Variants in LNX1 observed in about 807,000 individuals in gnomAD.
The protein encoded by LNX1 is E3 ubiquitin-protein ligase LNX.
In LNX1, 54 loss-of-function variants were observed where a neutral mutation model predicts 68.4. That is an observed-to-expected ratio of 0.79 (90% CI 0.63 to 0.99). The LOEUF is 0.99. LNX1 is among the 50% of genes least tolerant of loss of function. The pLI is 0.00. For missense variants in LNX1, 906 were observed against 926.4 expected, an observed-to-expected ratio of 0.98 and a Z score of 0.29; for synonymous variants, 336 against 350.0, an observed-to-expected ratio of 0.96 and a Z score of 0.45.
intron 9 of LNX1, among the ~76,000 whole-genome samples, chr4:53,464,074 A>G (rs1199674637): frequency 6.6e-6 from 1 of 152,140 alleles, no homozygotes; most frequent in Non-Finnish European, 1.5e-5. Flanking sequence ...AGAGGTTGGA[A>G]AGACGACAGT....
chr4:53,541,827 C>A (rs534897328), intron 2 of LNX1, among the ~76,000 whole-genome samples: 1 of 152,242 alleles, frequency 6.6e-6, no homozygotes, highest in Admixed American at 6.5e-5. Context: ...AATGTTTAAA[C>A]CCTGCAGTGC....
At chr4:53,646,803 A>C (rs2109892664) in intron 1 of LNX1, among the ~76,000 whole-genome samples, 1 of 152,344 alleles carries the variant, frequency 6.6e-6, no homozygotes, top group East Asian at 1.9e-4. Context: ...AATAAATGAA[A>C]ACAGACATCT....
intron 2 of LNX1, among the ~76,000 whole-genome samples, chr4:53,534,899 G>T (rs1338508644): frequency 7.9e-6 from 1 of 126,252 alleles, no homozygotes; most frequent in Non-Finnish European, 1.8e-5. Context: ...TAACAGCCTT[G>T]TTGTAAAAAT....
chr4:53,510,148 G>C (rs1199953477), intron 2 of LNX1, among the ~76,000 whole-genome samples: 2 of 152,190 alleles, frequency 1.3e-5, no homozygotes, highest in Non-Finnish European at 2.9e-5. Flanking sequence ...CATTCAAAAA[G>C]GATTGCCTAT....
chr4:53,518,902 G>A (rs1377616877), intron 2 of LNX1, among the ~76,000 whole-genome samples: 3 of 152,166 alleles, frequency 2.0e-5, no homozygotes, highest in Non-Finnish European at 4.4e-5. Flanking sequence ...CTGAGTAACT[G>A]CCATGAGGAA....
At chr4:53,623,405 T>G (rs1048552322) in intron 1 of LNX1, among the ~76,000 whole-genome samples, 5 of 151,816 alleles carry the variant, frequency 3.3e-5, no homozygotes, top group Non-Finnish European at 7.4e-5. Flanking sequence ...CTAATTTTTT[T>G]GTATTTTTTG....
rs1396809003 is a variant in LNX1, at chr4:53,584,966, C to T, written c.-87+6422G>A. On this transcript the variant is annotated intron_variant, in intron 1 of 10. Transcript: ENST00000263925. The stretch of plus-strand genomic sequence containing the variant: ...TAAAGACAGCATTGGGTGGTTCCTC[C>T]CTTGTTTTTATCTTTGTCTTTGGTT... Among the ~76,000 whole-genome samples the T allele has an allele frequency of 2.0e-5, 3 of 152,266 alleles. No homozygotes were observed. The East Asian group carries it at 5.8e-4, about 29-fold the overall frequency.
At chr4:53,540,679 T>TCAAAAAA (rs561277036) in intron 2 of LNX1, among the ~76,000 whole-genome samples, 3 of 149,984 alleles carry the variant, frequency 2.0e-5, no homozygotes, top group East Asian at 2.0e-4. Flanking sequence ...AAGCTCTGTC[T>TCAAAAAA]CAAAAAACAA....
intron 4 of LNX1, among the ~76,000 whole-genome samples, chr4:53,503,336 T>C (rs1259687313): frequency 1.3e-5 from 2 of 152,256 alleles, no homozygotes; most frequent in Non-Finnish European, 2.9e-5. Flanking sequence ...ATGGCAGCTA[T>C]AGCCTTTCGA....
chr4:53,460,899 CATT>C lies in LNX1; in HGVS notation c.*5_*7del. Reference sequence around the variant, plus strand: ...ATTTTTCTGTTTTCCTCTGACCCATCATTGATTCTATAAAAAAGTGCCAGGCCA... The same window carrying C: ...ATTTTTCTGTTTTCCTCTGACCCATCGATTCTATAAAAAAGTGCCAGGCCA... On this transcript the variant is annotated 3_prime_UTR_variant, in exon 11 of 11. Transcript: ENST00000263925. 6.2e-7 allele frequency: 1 copy of C among 1,607,620 alleles called. No homozygotes were observed. Among genetic ancestry groups the C allele is most frequent in the Non-Finnish European group, 8.5e-7 (1 of 1,177,500 alleles).
At position 53,460,645 on chromosome 4, in the gene LNX1, G is replaced by C. The variant is rs1334025255; in HGVS notation, c.*262C>G. 3 of 352,962 alleles carry C rather than the reference G, an allele frequency of 8.5e-6. No individual in the cohort carries two copies. Among genetic ancestry groups the C allele is most frequent in the African/African-American group, 6.4e-5 (3 of 46,572 alleles). The allele number at this position is 352,962 out of a possible 1,614,324, so 21.9% of individuals were successfully genotyped here. ...ATACAAATCATTTTAGTTGTTTTAG[G>C]GCTTTTTATTGAATAGAAAAAATAT... On this transcript the variant is annotated 3_prime_UTR_variant, in exon 11 of 11. Coordinates refer to ENST00000263925, the MANE Select transcript of LNX1 (RefSeq NM_001126328.3).
intron 2 of LNX1, among the ~76,000 whole-genome samples, chr4:53,609,708 TTATAA>T (rs1733395461): frequency 7.0e-6 from 1 of 142,238 alleles, no homozygotes; most frequent in African/African-American, 2.5e-5. Flanking sequence ...TATAGTACTA[TTATAA>T]TATATAGTAC....
rs965303008 is a variant in LNX1 at position 53,576,256 on chromosome 4, C to A, written c.-86-2168G>T. 2.5e-6 allele frequency: 4 copies of A among 1,610,566 alleles called. No homozygotes were observed. The African/African-American group carries it at 5.3e-5, about 22-fold the overall frequency. On this transcript the variant is annotated intron_variant, in intron 1 of 10. Coordinates refer to ENST00000263925, the MANE Select transcript of LNX1 (RefSeq NM_001126328.3). ...GCCGAGGGTCCTGATGCAGCTGAAG[C>A]TTTCAGATGGGTTAGCATACCGCTT... is the stretch of plus-strand genomic sequence containing the variant.
At position 53,459,958 on chromosome 4, in the gene LNX1, A is replaced by G. The variant is rs1721529576; in HGVS notation, c.*949T>C. 4 of 215,188 alleles carry G rather than the reference A, an allele frequency of 1.9e-5. No individual in the cohort carries two copies. Among genetic ancestry groups the G allele is most frequent in the Admixed American group, 5.8e-5 (1 of 17,202 alleles). 13.3% of individuals were successfully genotyped at this position (215,188 alleles called of 1,614,324 possible). A position where few individuals can be genotyped will look rare whatever the true frequency, so the allele number is the denominator to read the frequency against. On this transcript the variant is annotated 3_prime_UTR_variant, in exon 11 of 11. Coordinates refer to ENST00000263925, the MANE Select transcript of LNX1 (RefSeq NM_001126328.3). ...ATCACAACTTTTTGATGGCTTTTCA[A>G]TATTCTAAATTTGGGTTCCTGGTGA...
chr4:53,649,694 A>C (rs1427969133), intron 1 of LNX1, among the ~76,000 whole-genome samples: 1 of 152,086 alleles, frequency 6.6e-6, no homozygotes, highest in Non-Finnish European at 1.5e-5. Flanking sequence ...ATCTCTGCCC[A>C]TTTAGGATTC....
intron 2 of LNX1, among the ~76,000 whole-genome samples, chr4:53,521,984 T>TC (rs1340276450): frequency 6.6e-6 from 1 of 151,520 alleles, no homozygotes; most frequent in Non-Finnish European, 1.5e-5. Flanking sequence ...ATTAATTTTT[T>TC]TGTAGAGACT....
chr4:53,513,059 C>A (rs1298111360), intron 2 of LNX1, among the ~76,000 whole-genome samples: 1 of 152,072 alleles, frequency 6.6e-6, no homozygotes, highest in African/African-American at 2.4e-5. Flanking sequence ...TGCCCCTGGT[C>A]TAGCCCTCCA....
intron 2 of LNX1, among the ~76,000 whole-genome samples, chr4:53,511,051 G>GT (rs1726296856): frequency 6.6e-6 from 1 of 152,230 alleles, no homozygotes; most frequent in African/African-American, 2.4e-5. Context: ...CATAAGGTAG[G>GT]TAAGTAGCCT....
chr4:53,589,998 G>A (rs1732409931), intron 1 of LNX1, among the ~76,000 whole-genome samples: 1 of 152,174 alleles, frequency 6.6e-6, no homozygotes, highest in Non-Finnish European at 1.5e-5. Context: ...CTTGAGGAGA[G>A]GTTTAGATGC....
Sources: gnomAD v4.1 joint callset for allele counts (sites outside exome capture counted in the v4.1 genomes callset) on GRCh38, gnomAD v4.1.1 for gene constraint, MANE v1.5 for transcripts, NCBI Gene and HGNC (gene_info 2026-07-23, HGNC 2026-07-21) for gene names.